The following CDH22 variants were observed in gnomAD, a reference collection of about 807,000 sequenced individuals.
CDH22 encodes cadherin 22.
In CDH22, 30 loss-of-function variants were observed where a neutral mutation model predicts 58.4. That is an observed-to-expected ratio of 0.51 (90% CI 0.38 to 0.70). CDH22 has a LOEUF of 0.70. CDH22 is among the 30% of genes least tolerant of loss of function. The pLI is 0.00. For missense variants in CDH22, 1,014 were observed against 1,233.9 expected (o/e 0.82, Z 2.67); for synonymous variants, 513 against 558.2 (o/e 0.92, Z 1.14).
At chr20:46,217,031 C>G in intron 4 of CDH22, 38 bp from the exon 5 acceptor site, 2 of 1,561,008 alleles carry the variant, frequency 1.3e-6, no homozygotes, top group Non-Finnish European at 1.7e-6. Context: ...GCACCCCACA[C>G]CACCTGCCCA....
chr20:46,257,110 C>T (rs1197867720), intron 1 of CDH22, among the ~76,000 whole-genome samples: 4 of 151,324 alleles, frequency 2.6e-5, no homozygotes, highest in Admixed American at 2.0e-4. Flanking sequence ...GAGTTCAAGA[C>T]CAGCCTGGGG....
chr20:46,188,266 AG>A (rs1195291755), intron 8 of CDH22, among the ~76,000 whole-genome samples: 1 of 152,190 alleles, frequency 6.6e-6, no homozygotes, highest in African/African-American at 2.4e-5. Flanking sequence ...AAATGAACAG[AG>A]CATAGTGATT....
At chr20:46,298,363 T>C (rs1317697201) in intron 1 of CDH22, among the ~76,000 whole-genome samples, 1 of 152,238 alleles carries the variant, frequency 6.6e-6, no homozygotes, top group East Asian at 1.9e-4. Context: ...TCAAATGCTG[T>C]GTTAAGGTTT....
At chr20:46,223,727 CTCTT>C (rs10659187) in intron 4 of CDH22, among the ~76,000 whole-genome samples, 4 of 111,856 alleles carry the variant, frequency 3.6e-5, no homozygotes, top group East Asian at 2.5e-4. Context: ...TTCTTTCTTT[CTCTT>C]TCTTTCTTTC....
At position 46,224,741 on chromosome 20, in the gene CDH22, G is replaced by A. The variant is rs537690950; in HGVS notation, c.670+2767C>T. ...CTGCCTCCTCCCCCAACCTAGTCCTGCAGATTCGTGTTGGCCCCCAAGGTT... is the reference window on the plus strand; with the variant it reads ...CTGCCTCCTCCCCCAACCTAGTCCTACAGATTCGTGTTGGCCCCCAAGGTT... On this transcript the variant is annotated intron_variant, in intron 4 of 11. Coordinates refer to ENST00000537909, the MANE Select transcript of CDH22 (RefSeq NM_021248.3). 3.9e-5 allele frequency among the ~76,000 whole-genome samples: 6 copies of A among 152,252 alleles called. No homozygotes were observed. In the East Asian group the frequency reaches 9.7e-4, roughly 25 times the overall value.
chr20:46,201,768 CAT>C (rs111413535), intron 7 of CDH22, among the ~76,000 whole-genome samples: 171 of 152,276 alleles, frequency 1.1e-3, no homozygotes, highest in African/African-American at 3.8e-3. Flanking sequence ...CTGCTAAACC[CAT>C]ATTCTTCTTG....
In CDH22 at chr20:46,232,645, T is replaced by C. The variant is rs138455833; in HGVS notation, c.551-5018A>G. Among the ~76,000 whole-genome samples, 27 of 152,362 alleles carry C rather than the reference T, an allele frequency of 1.8e-4. No individual in the cohort carries two copies. In the East Asian group the frequency reaches 5.0e-3, roughly 28 times the overall value. On this transcript the variant is annotated intron_variant, in intron 3 of 11. Coordinates refer to ENST00000537909, the MANE Select transcript of CDH22 (RefSeq NM_021248.3). Reference sequence around the variant, plus strand: ...ATTTATAAAAAATGAGTCCCACCCCTGCTGCTGCCAGCACTGTGCAGAATG... The same window carrying C: ...ATTTATAAAAAATGAGTCCCACCCCCGCTGCTGCCAGCACTGTGCAGAATG...
At chr20:46,302,065 CTTCA>C (rs2086654762) in intron 1 of CDH22, among the ~76,000 whole-genome samples, 1 of 152,226 alleles carries the variant, frequency 6.6e-6, no homozygotes, top group Non-Finnish European at 1.5e-5. Flanking sequence ...GTCTTGCAGA[CTTCA>C]AGGCTGCATG....
At chr20:46,288,588 C>A (rs2086586356) in intron 1 of CDH22, among the ~76,000 whole-genome samples, 1 of 152,174 alleles carries the variant, frequency 6.6e-6, no homozygotes, top group Admixed American at 6.5e-5. Context: ...TGAACCCGGA[C>A]TCCTGAGTCC....
intron 6 of CDH22, among the ~76,000 whole-genome samples, chr20:46,211,418 C>A (rs116606833): frequency 6.6e-6 from 1 of 152,204 alleles, no homozygotes; most frequent in Admixed American, 6.5e-5. Context: ...CAAAAACAGC[C>A]GTGTCCTGCC....
At chr20:46,194,588 C>CTG (rs982391229) in intron 8 of CDH22, among the ~76,000 whole-genome samples, 1 of 152,222 alleles carries the variant, frequency 6.6e-6, no homozygotes, top group Admixed American at 6.5e-5. Context: ...AGAGCACCTA[C>CTG]TGTGTGTCAG....
rs200410732 is a variant in CDH22, at chr20:46,178,235, C to T, written c.1664-38G>A. 172 of 1,593,544 alleles carry T rather than the reference C, an allele frequency of 1.1e-4. No individual in the cohort carries two copies. The East Asian group carries it at 1.7e-3, about 16-fold the overall frequency. ...AAGGGGGAGCGGTGTGACTTGGGGC[C>T]GGGGGTCAGCATCCTTGTCCTAGCC... On this transcript the variant is annotated intron_variant, in intron 10 of 11. Transcript: ENST00000537909.
At chr20:46,207,527 A>G (rs2086010098) in intron 7 of CDH22, among the ~76,000 whole-genome samples, 1 of 152,196 alleles carries the variant, frequency 6.6e-6, no homozygotes, top group South Asian at 2.1e-4. Flanking sequence ...TTCAGAGACT[A>G]TGCCACCAGC....
At chr20:46,177,367 T>TG (rs1197809399) in intron 11 of CDH22, among the ~76,000 whole-genome samples, 1 of 152,222 alleles carries the variant, frequency 6.6e-6, no homozygotes, top group African/African-American at 2.4e-5. Flanking sequence ...TGCAAATGGC[T>TG]GCTAGTGGCC....
intron 4 of CDH22, among the ~76,000 whole-genome samples, chr20:46,223,649 CTCTT>C (rs1385511165): frequency 6.1e-5 from 9 of 148,520 alleles, no homozygotes; most frequent in Non-Finnish European, 1.0e-4. Context: ...TTCTTTCTTT[CTCTT>C]TCTTTTTCTT....
intron 1 of CDH22, among the ~76,000 whole-genome samples, chr20:46,270,884 T>A (rs151215875): frequency 2.0e-5 from 3 of 152,208 alleles, no homozygotes; most frequent in Non-Finnish European, 4.4e-5. Context: ...TGCTACCAAA[T>A]GTGTGACCTC....
rs547145146 is a variant in CDH22 at position 46,305,501 on chromosome 20, T to A, written c.-400+2754A>T. The stretch of plus-strand genomic sequence containing the variant: ...CCTAGCACCCTTCCTGGCTCAGCTA[T>A]GGGGAGGAATGAGGAAGTCCTTGGC... On this transcript the variant is annotated intron_variant, in intron 1 of 11. Transcript: ENST00000537909. Among the ~76,000 whole-genome samples, 13 of 152,262 alleles carry A rather than the reference T, an allele frequency of 8.5e-5. No individual in the cohort carries two copies. The East Asian group carries it at 1.5e-3, about 18-fold the overall frequency.
In CDH22 at chr20:46,211,563, C is replaced by T. The variant is rs533757732; in HGVS notation, c.1033-1003G>A. 2.5e-3 allele frequency among the ~76,000 whole-genome samples: 373 copies of T among 152,106 alleles called. 1 individual carries two copies. Among genetic ancestry groups the T allele is most frequent in the African/African-American group, 8.4e-3 (350 of 41,478 alleles). On this transcript the variant is annotated intron_variant, in intron 6 of 11. Transcript: ENST00000537909. ...ACCGACTCCGCAGAGACACCCTAGGCGCCACTGCTGGAGTGGGCGGCAGGA... is the reference window on the plus strand; with the variant it reads ...ACCGACTCCGCAGAGACACCCTAGGTGCCACTGCTGGAGTGGGCGGCAGGA...
chr20:46,306,085 T>C (rs576104800), intron 1 of CDH22, among the ~76,000 whole-genome samples: 1 of 152,396 alleles, frequency 6.6e-6, no homozygotes, highest in South Asian at 2.1e-4. Context: ...GCGTCTCTGC[T>C]AAAGGCATTC....
Sources: allele counts gnomAD v4.1 joint callset (sites outside exome capture counted in the v4.1 genomes callset), GRCh38; gene constraint gnomAD v4.1.1; transcripts MANE v1.5; gene names NCBI Gene and HGNC (gene_info 2026-07-23, HGNC 2026-07-21).